CPQ: variants seen among roughly 807,000 people sequenced by gnomAD.
CPQ encodes Ser-Met dipeptidase.
Under a neutral mutation model 45.7 loss-of-function variants are expected in CPQ, and 37 were observed. That is an observed-to-expected ratio of 0.81 (90% CI 0.62 to 1.07). The LOEUF is 1.07. Ranked by LOEUF, CPQ falls within the 50% of genes least tolerant of loss-of-function variation. The pLI is 0.00. For synonymous variants in CPQ, 186 were observed against 205.8 expected (o/e 0.90, Z 0.82); for missense variants, 537 against 572.9 (o/e 0.94, Z 0.64).
chr8:96,926,576 C>CTCTTCCTCT (rs1445697100), intron 4 of CPQ, among the ~76,000 whole-genome samples: 172 of 75,022 alleles, frequency 2.3e-3, no homozygotes, highest in African/African-American at 0.01. Context: ...CTTCCTCTTC[C>CTCTTCCTCT]TCTTCTTCTT....
intron 3 of CPQ, among the ~76,000 whole-genome samples, chr8:96,858,558 G>A (rs1388480655): frequency 6.6e-6 from 1 of 152,142 alleles, no homozygotes; most frequent in African/African-American, 2.4e-5. Flanking sequence ...GGTAGTTAAT[G>A]AGCAGAGGTC....
chr8:96,711,165 A>G (rs1809603430), intron 1 of CPQ, among the ~76,000 whole-genome samples: 1 of 151,752 alleles, frequency 6.6e-6, no homozygotes, highest in Non-Finnish European at 1.5e-5. Flanking sequence ...TTTAGCTTCC[A>G]TTTGCATGGA....
At chr8:97,142,008 C>T (rs1242029910) in intron 7 of CPQ, among the ~76,000 whole-genome samples, 1 of 152,148 alleles carries the variant, frequency 6.6e-6, no homozygotes, top group Non-Finnish European at 1.5e-5. Context: ...AGAGGCAAGA[C>T]AGGCTAGTGG....
chr8:97,059,212 C>A (rs1238408750), intron 6 of CPQ, among the ~76,000 whole-genome samples: 1 of 152,116 alleles, frequency 6.6e-6, no homozygotes, highest in African/African-American at 2.4e-5. Context: ...TGCACACACA[C>A]AGAATGATAG....
chr8:96,821,126 A>ATT (rs572906188), intron 2 of CPQ, among the ~76,000 whole-genome samples: 25 of 60,940 alleles, frequency 4.1e-4, no homozygotes, highest in African/African-American at 1.5e-3. Context: ...TTTAATCTGA[A>ATT]TTTTTTTTTT....
chr8:96,999,761 A>C (rs1809239734), intron 5 of CPQ, among the ~76,000 whole-genome samples: 1 of 151,978 alleles, frequency 6.6e-6, no homozygotes, highest in Non-Finnish European at 1.5e-5. Flanking sequence ...CCCAGTAATG[A>C]CATTGCTTGG....
chr8:96,958,671 CT>C (rs1339496540), intron 4 of CPQ, among the ~76,000 whole-genome samples: 2 of 152,080 alleles, frequency 1.3e-5, no homozygotes, highest in Non-Finnish European at 2.9e-5. Context: ...AAATTAGGTC[CT>C]TCTTGTTTTA....
At position 96,941,179 on chromosome 8, in the gene CPQ, GTGCTGCTGC is replaced by G. The variant is rs951290332; in HGVS notation, c.850-24739_850-24731del. On this transcript the variant is annotated intron_variant, in intron 4 of 7. Transcript: ENST00000220763. ...TGTGGGTACTACATGGAGTGCCCTG[GTGCTGCTGC>G]TGCTGCTGCTGCTGCTAGGCTTATA... Among the ~76,000 whole-genome samples the G allele has an allele frequency of 7.8e-4, 119 of 151,956 alleles. 1 individual carries two copies. Among genetic ancestry groups the G allele is most frequent in the African/African-American group, 2.7e-3 (114 of 41,476 alleles).
chr8:96,904,252 A>G (rs1812548410), intron 4 of CPQ, among the ~76,000 whole-genome samples: 1 of 152,232 alleles, frequency 6.6e-6, no homozygotes, highest in Non-Finnish European at 1.5e-5. Context: ...AACCCGAGTT[A>G]TGTGTTCATG....
intron 6 of CPQ, among the ~76,000 whole-genome samples, chr8:97,044,312 T>G (rs1810192576): frequency 1.3e-5 from 2 of 152,232 alleles, no homozygotes; most frequent in African/African-American, 4.8e-5. Context: ...ACGTAGTTCT[T>G]GAGCCTTGGC....
intron 3 of CPQ, among the ~76,000 whole-genome samples, chr8:96,849,808 G>A (rs1447016939): frequency 1.3e-5 from 2 of 152,156 alleles, no homozygotes; most frequent in Non-Finnish European, 2.9e-5. Flanking sequence ...TTCTTTACAA[G>A]CACTTTCTTT....
intron 3 of CPQ, among the ~76,000 whole-genome samples, chr8:96,849,070 C>T (rs779717208): frequency 6.6e-6 from 1 of 152,172 alleles, no homozygotes; most frequent in Non-Finnish European, 1.5e-5. Flanking sequence ...TATATTTTAA[C>T]ATGTAATCCA....
chr8:96,685,584 A>G (rs1000140938), intron 1 of CPQ, among the ~76,000 whole-genome samples: 1 of 151,880 alleles, frequency 6.6e-6, no homozygotes, highest in Admixed American at 6.6e-5. Flanking sequence ...TCATTGATCT[A>G]TTTTTCTGTT....
At position 97,143,362 on chromosome 8, in the gene CPQ, A is replaced by G. The variant is rs546003662; in HGVS notation, c.*179A>G. The G allele has an allele frequency of 3.0e-4, 180 of 606,744 alleles. No individual in the cohort carries two copies. Among genetic ancestry groups the G allele is most frequent in the Non-Finnish European group, 4.5e-4 (161 of 358,726 alleles). The allele number at this position is 606,744 out of a possible 1,614,324, so 37.6% of individuals were successfully genotyped here. A position where few individuals can be genotyped will look rare whatever the true frequency, so the allele number is the denominator to read the frequency against. On this transcript the variant is annotated 3_prime_UTR_variant, in exon 8 of 8. Coordinates refer to ENST00000220763, the MANE Select transcript of CPQ (RefSeq NM_016134.4). Reference sequence around the variant, plus strand: ...CAAATTCTCTGATTCTAGAAAAAGGAATCATTCTCCCCTCCCTCCCACCAC... The same window carrying G: ...CAAATTCTCTGATTCTAGAAAAAGGGATCATTCTCCCCTCCCTCCCACCAC...
chr8:96,815,509 G>A lies in CPQ; in HGVS notation c.434-19464G>A, dbSNP rs1170759983. Among the ~76,000 whole-genome samples, 4 of 151,900 alleles carry A rather than the reference G, an allele frequency of 2.6e-5. No homozygotes were observed. In the East Asian group the frequency reaches 5.8e-4, roughly 22 times the overall value. ...GCAGATCACAGTTGAGGGGGTTGGA[G>A]GAAAAAAAGAAAGAAAGAAAGAGAA... On this transcript the variant is annotated intron_variant, in intron 2 of 7. Transcript: ENST00000220763.
At chr8:96,778,839 G>T (rs1213991958) in intron 1 of CPQ, among the ~76,000 whole-genome samples, 3 of 152,158 alleles carry the variant, frequency 2.0e-5, no homozygotes, top group Non-Finnish European at 2.9e-5. Flanking sequence ...GGCTGATGGG[G>T]GTGGATCACA....
chr8:96,688,789 T>C lies in CPQ; in HGVS notation c.-35+43387T>C, dbSNP rs146675702. ...TAGTATATCAATTAGAATATTTTCA[T>C]TGATAAGTAACTGAAAAGCCATCTA... is the stretch of plus-strand genomic sequence containing the variant. On this transcript the variant is annotated intron_variant, in intron 1 of 7. Coordinates refer to ENST00000220763, the MANE Select transcript of CPQ (RefSeq NM_016134.4). Among the ~76,000 whole-genome samples, 355 of 152,326 alleles carry C rather than the reference T, an allele frequency of 2.3e-3. 2 individuals carry two copies. The highest frequency in any genetic ancestry group is 7.9e-3 in the African/African-American group (329 of 41,584).
At chr8:96,729,718 A>C in intron 1 of CPQ, among the ~76,000 whole-genome samples, 1 of 152,278 alleles carries the variant, frequency 6.6e-6, no homozygotes, top group Middle Eastern at 3.4e-3. Context: ...CACTCCCATT[A>C]AAATTAACTA....
chr8:96,716,717 G>A (rs1249356268), intron 1 of CPQ, among the ~76,000 whole-genome samples: 1 of 152,056 alleles, frequency 6.6e-6, no homozygotes, highest in Non-Finnish European at 1.5e-5. Flanking sequence ...AGACCAGCCT[G>A]GCCAACATGG....
Sources: gnomAD v4.1 joint callset for allele counts (sites outside exome capture counted in the v4.1 genomes callset) on GRCh38, gnomAD v4.1.1 for gene constraint, MANE v1.5 for transcripts, NCBI Gene and HGNC (gene_info 2026-07-23, HGNC 2026-07-21) for gene names.